IQSEC3: variants seen among roughly 807,000 people sequenced by gnomAD.
IQSEC3 encodes IQ motif and SEC7 domain-containing protein 3.
IQSEC3 carries 50 observed loss-of-function variants against 105.4 expected under a neutral mutation model. That is an observed-to-expected ratio of 0.47 (90% CI 0.38 to 0.60). The LOEUF (loss-of-function observed/expected upper bound fraction) is 0.60. Ranked by LOEUF, IQSEC3 falls within the 20% of genes least tolerant of loss-of-function variation. IQSEC3 has a pLI of 0.00. For missense variants in IQSEC3, 1,415 were observed against 1,630.0 expected, an observed-to-expected ratio of 0.87 and a Z score of 2.27; for synonymous variants, 708 against 746.0, an observed-to-expected ratio of 0.95 and a Z score of 0.83.
At chr12:104,738 T>A (rs1555077431) in intron 2 of IQSEC3, among the ~76,000 whole-genome samples, 1 of 152,132 alleles carries the variant, frequency 6.6e-6, no homozygotes, top group Non-Finnish European at 1.5e-5. Flanking sequence ...CCACGCGGGG[T>A]ACCCTGGAGG....
intron 2 of IQSEC3, among the ~76,000 whole-genome samples, chr12:122,357 A>C (rs868925383): frequency 9.9e-5 from 15 of 152,174 alleles, no homozygotes; most frequent in African/African-American, 2.9e-4. Context: ...GGAGGACACA[A>C]ATTGCCCAAA....
At chr12:151,413 G>C (rs568478824) in intron 5 of IQSEC3, among the ~76,000 whole-genome samples, 1 of 152,132 alleles carries the variant, frequency 6.6e-6, no homozygotes, top group Non-Finnish European at 1.5e-5. Context: ...AGTCCCATCT[G>C]TTCTTCCTCT....
intron 1 of IQSEC3, among the ~76,000 whole-genome samples, chr12:83,699 G>C (rs1372077332): frequency 6.6e-6 from 1 of 150,884 alleles, no homozygotes; most frequent in African/African-American, 2.4e-5. Context: ...ATGGGAAGGC[G>C]GGCGGGGGAG....
At chr12:127,769 G>A (rs538347126) in intron 3 of IQSEC3, among the ~76,000 whole-genome samples, 1 of 152,066 alleles carries the variant, frequency 6.6e-6, no homozygotes, top group Non-Finnish European at 1.5e-5. Flanking sequence ...TGTAGATTCT[G>A]GATATTAGCC....
In IQSEC3 at chr12:139,206, G is replaced by A; in HGVS notation, c.1843G>A (p.Ala615Thr). ...KSAKSGSEAS[A>T]SASKDALQAM... is the part of the protein sequence containing the mutation. The stretch of plus-strand genomic sequence containing the variant: ...CGCCAAGTCAGGCTCGGAGGCGTCG[G>A]CCTCCGCCTCCAAGGACGCCCTGCA... The change falls in exon 4 of 14, where the codon GCC becomes ACC. Residue 615 changes from alanine to threonine, a missense_variant. By Grantham distance (58) the Ala-to-Thr change is moderately conservative (BLOSUM62 0). Coordinates refer to ENST00000538872, the MANE Select transcript of IQSEC3 (RefSeq NM_001170738.2). The A allele has an allele frequency of 6.3e-7, 1 of 1,592,958 alleles. No homozygotes were observed. Among genetic ancestry groups the A allele is most frequent in the Non-Finnish European group, 8.5e-7 (1 of 1,172,534 alleles).
chr12:104,631 C>T (rs1466714631), intron 2 of IQSEC3, among the ~76,000 whole-genome samples: 1 of 152,236 alleles, frequency 6.6e-6, no homozygotes, highest in South Asian at 2.1e-4. Flanking sequence ...AGGCCTCCTA[C>T]CCTAACCACT....
At chr12:84,697 T>G (rs1555071597) in intron 1 of IQSEC3, among the ~76,000 whole-genome samples, 16 of 152,178 alleles carry the variant, frequency 1.1e-4, no homozygotes, top group Non-Finnish European at 4.4e-5. Context: ...GTTGAGCCTT[T>G]GGGTTTAGCA....
chr12:101,794 T>A (rs1031747165), intron 2 of IQSEC3, among the ~76,000 whole-genome samples: 1 of 152,158 alleles, frequency 6.6e-6, no homozygotes, highest in Non-Finnish European at 1.5e-5. Flanking sequence ...AGTGTACGTG[T>A]TTGCTCTTGG....
At chr12:128,503 C>T (rs963378840) in intron 3 of IQSEC3, among the ~76,000 whole-genome samples, 24 of 152,246 alleles carry the variant, frequency 1.6e-4, no homozygotes, top group African/African-American at 5.5e-4. Flanking sequence ...ATCCCGTGTT[C>T]CATGGCCTGG....
intron 13 of IQSEC3, chr12:171,611 A>T (rs1173193604): frequency 2.0e-6 from 1 of 508,290 alleles, no homozygotes; most frequent in Non-Finnish European, 3.5e-6. Flanking sequence ...ATTACCCCTT[A>T]GGCCCCAAAC....
At chr12:125,348 G>C (rs975347871) in intron 2 of IQSEC3, among the ~76,000 whole-genome samples, 2 of 152,164 alleles carry the variant, frequency 1.3e-5, no homozygotes, top group African/African-American at 4.8e-5. Flanking sequence ...GAGCCCAGAT[G>C]CACCGCTCTG....
chr12:91,085 G>T (rs143340476), intron 1 of IQSEC3, among the ~76,000 whole-genome samples: 1 of 152,060 alleles, frequency 6.6e-6, no homozygotes, highest in Non-Finnish European at 1.5e-5. Context: ...TGAAGGCTGG[G>T]GATTCAGTCT....
At chr12:134,860 T>C (rs77966258) in intron 3 of IQSEC3, among the ~76,000 whole-genome samples, 276 of 128,424 alleles carry the variant, frequency 2.1e-3, no homozygotes, top group Middle Eastern at 5.9e-3. Context: ...GCACGGTGGC[T>C]CACGCCTGTA....
intron 3 of IQSEC3, among the ~76,000 whole-genome samples, chr12:128,699 G>A (rs992748671): frequency 2.0e-5 from 3 of 152,224 alleles, no homozygotes; most frequent in African/African-American, 2.4e-5. Flanking sequence ...GCCTTCCCCA[G>A]TGCCCCTGCC....
Position 141,272 on chromosome 12 carries a change from C to T in IQSEC3, c.2140C>T (p.Arg714Cys), listed in dbSNP as rs150994565. Residue 714 changes from arginine (R) to cysteine (C), a missense_variant, in exon 5 of 14, where the codon CGC becomes TGC. Arg to Cys is a radical substitution (Grantham distance 180). This residue lies in a region of IQSEC3 where 213 missense variants were observed against 306.2 expected (regional missense o/e 0.70). Coordinates refer to ENST00000538872, the MANE Select transcript of IQSEC3 (RefSeq NM_001170738.2). ...FLGNSKKQFNRDVLDCVVDEM... is the reference protein window; with the variant it reads ...FLGNSKKQFNCDVLDCVVDEM... ...GGGCAACAGCAAGAAGCAGTTCAACCGCGACGTGCTGGAGTGAGTACCCCA... is the reference window on the plus strand; with the variant it reads ...GGGCAACAGCAAGAAGCAGTTCAACTGCGACGTGCTGGAGTGAGTACCCCA... 64 of 1,614,024 alleles carry T rather than the reference C, an allele frequency of 4.0e-5. No homozygotes were observed. In the African/African-American group the frequency reaches 4.0e-4, roughly 10 times the overall value.
At chr12:158,778 C>T (rs1226002095) in intron 7 of IQSEC3, among the ~76,000 whole-genome samples, 1 of 152,178 alleles carries the variant, frequency 6.6e-6, no homozygotes, top group Non-Finnish European at 1.5e-5. Context: ...TATGGCTCAG[C>T]CTCCCAAGTA....
intron 12 of IQSEC3, among the ~76,000 whole-genome samples, chr12:170,148 T>C (rs1938898046): frequency 6.6e-6 from 1 of 152,228 alleles, no homozygotes; most frequent in African/African-American, 2.4e-5. Flanking sequence ...CTTTCCTGTA[T>C]GGGTTTGACC....
chr12:82,405 G>C (rs1555070915), intron 1 of IQSEC3, among the ~76,000 whole-genome samples: 1 of 152,222 alleles, frequency 6.6e-6, no homozygotes. Flanking sequence ...GTTCTGATGA[G>C]TTTTGCTATA....
At chr12:76,599 G>T (rs1373011186) in intron 1 of IQSEC3, among the ~76,000 whole-genome samples, 1 of 152,240 alleles carries the variant, frequency 6.6e-6, no homozygotes, top group Non-Finnish European at 1.5e-5. Flanking sequence ...GATCCTCCTG[G>T]TTCTTCCCCT....
Sources: allele counts gnomAD v4.1 joint callset (sites outside exome capture counted in the v4.1 genomes callset), GRCh38; gene constraint gnomAD v4.1.1; regional missense constraint gnomAD v4.1.1; transcripts MANE v1.5; gene names NCBI Gene and HGNC (gene_info 2026-07-23, HGNC 2026-07-21).